CMSS1: variants seen among roughly 807,000 people sequenced by gnomAD.
CMSS1 encodes the protein cms1 ribosomal small subunit homolog, also known as protein CMSS1.
A neutral mutation model predicts 43.5 loss-of-function variants in CMSS1; 33 were observed. The ratio of observed to expected loss-of-function variants is 0.76; its 90% CI spans 0.57 to 1.01. The LOEUF (loss-of-function observed/expected upper bound fraction) is 1.01. Ranked by LOEUF, CMSS1 falls within the 50% of genes least tolerant of loss-of-function variation. The probability of loss-of-function intolerance (pLI) is 0.00; values close to 1 mark genes in which losing one functional copy is unlikely to be tolerated. For synonymous variants in CMSS1, 115 were observed against 117.2 expected (o/e 0.98, Z 0.12); for missense variants, 313 against 326.4 (o/e 0.96, Z 0.32).
chr3:99,862,001 C>T lies in CMSS1; in HGVS notation c.64+43958C>T, dbSNP rs147910103. On this transcript the variant is annotated intron_variant, in intron 1 of 9. Coordinates refer to ENST00000421999, the MANE Select transcript of CMSS1 (RefSeq NM_032359.4). The stretch of plus-strand genomic sequence containing the variant: ...TAAAAAACAATCCATACAAAAAGTC[C>T]TTATCATAGTGCCTGGCACAATACA... Among the ~76,000 whole-genome samples the T allele has an allele frequency of 7.2e-3, 1,096 of 152,148 alleles. 18 individuals are homozygous for T. The highest frequency in any genetic ancestry group is 0.024 in the African/African-American group (1,011 of 41,482).
In CMSS1 at chr3:100,086,039, ATGATTCG is replaced by A. The variant is rs1392082685; in HGVS notation, c.65-60931_65-60925del. On this transcript the variant is annotated intron_variant, in intron 1 of 9. Transcript: ENST00000421999. Reference sequence around the variant, plus strand: ...AAGTACATCTGCATTTGAATAAAATATGATTCGTGTTAGAGAGCTAAACTTGATGTTT... The same window carrying A: ...AAGTACATCTGCATTTGAATAAAATATGTTAGAGAGCTAAACTTGATGTTT... Among the ~76,000 whole-genome samples the A allele has an allele frequency of 4.6e-5, 7 of 152,360 alleles. No individual in the cohort carries two copies. The East Asian group carries it at 1.3e-3, about 29-fold the overall frequency.
At chr3:100,134,575 C>T (rs1180939526) in intron 1 of CMSS1, among the ~76,000 whole-genome samples, 1 of 151,974 alleles carries the variant, frequency 6.6e-6, no homozygotes, top group Non-Finnish European at 1.5e-5. Context: ...TATTAATAAA[C>T]CAGATGGGAT....
chr3:100,168,872 TATATATATACACACACACAC>T (rs1257559646), intron 6 of CMSS1, among the ~76,000 whole-genome samples: 2 of 150,308 alleles, frequency 1.3e-5, no homozygotes, highest in African/African-American at 4.9e-5. Context: ...ATTATATATA[TATATATATACACACACACAC>T]ATATATATAT....
chr3:99,866,838 C>T (rs1260603269), intron 1 of CMSS1, among the ~76,000 whole-genome samples: 1 of 152,160 alleles, frequency 6.6e-6, no homozygotes, highest in Admixed American at 6.5e-5. Flanking sequence ...AAGTTTTATT[C>T]TGTAATCTGC....
At chr3:100,118,372 T>C (rs945407880) in intron 1 of CMSS1, among the ~76,000 whole-genome samples, 15 of 152,176 alleles carry the variant, frequency 9.9e-5, no homozygotes, top group African/African-American at 2.9e-4. Flanking sequence ...TACAGAAAAT[T>C]AGTTATTTAA....
At chr3:99,933,180 C>T (rs34174004) in intron 1 of CMSS1, among the ~76,000 whole-genome samples, 10,129 of 152,264 alleles carry the variant, frequency 0.067, 401 homozygotes, top group Middle Eastern at 0.085. Flanking sequence ...GCCGTAATGT[C>T]ATTATGCTGT....
intron 3 of CMSS1, 63 bp downstream of exon 3, chr3:100,160,564 T>A (rs2067015083): frequency 1.3e-6 from 1 of 798,934 alleles, no homozygotes; most frequent in African/African-American, 1.8e-5. Context: ...TTTTTATATA[T>A]CATACTTTCT....
At chr3:99,979,625 TG>T (rs1362666812) in intron 1 of CMSS1, among the ~76,000 whole-genome samples, 1 of 152,220 alleles carries the variant, frequency 6.6e-6, no homozygotes, top group Non-Finnish European at 1.5e-5. Flanking sequence ...AAATGAGACC[TG>T]TTATTACATG....
At position 100,156,299 on chromosome 3, in the gene CMSS1, C is replaced by CTTTTTTTT. The variant is rs34413816; in HGVS notation, c.154-4111_154-4104dup. Among the ~76,000 whole-genome samples the CTTTTTTTT allele has an allele frequency of 4.1e-4, 30 of 73,054 alleles. 1 individual carries two copies. The highest frequency in any genetic ancestry group is 5.4e-4 in the Non-Finnish European group (21 of 38,766). 47.9% of individuals were successfully genotyped at this position (73,054 alleles called of 152,430 possible). A position where few individuals can be genotyped will look rare whatever the true frequency, so the allele number is the denominator to read the frequency against. ...GCCACCACACTAGCTAATTTTTTTT[C>CTTTTTTTT]TTTTTTTTTTTTTTTTTTTTTTTTT... On this transcript the variant is annotated intron_variant, in intron 2 of 9. Coordinates refer to ENST00000421999, the MANE Select transcript of CMSS1 (RefSeq NM_032359.4).
In CMSS1 at chr3:100,156,543, G is replaced by A. The variant is rs146444554; in HGVS notation, c.154-3887G>A. Among the ~76,000 whole-genome samples the A allele has an allele frequency of 5.0e-4, 76 of 152,006 alleles. 1 individual carries two copies. Among genetic ancestry groups the A allele is most frequent in the African/African-American group, 1.6e-3 (65 of 41,474 alleles). ...AGGCTGGTCTTGAACTCCTGACCTC[G>A]TAATCCGCCCTCCTCGGCCTCCCAA... On this transcript the variant is annotated intron_variant, in intron 2 of 9. Coordinates refer to ENST00000421999, the MANE Select transcript of CMSS1 (RefSeq NM_032359.4).
intron 1 of CMSS1, among the ~76,000 whole-genome samples, chr3:99,991,501 T>G (rs879780001): frequency 2.0e-5 from 3 of 152,180 alleles, no homozygotes; most frequent in African/African-American, 2.4e-5. Context: ...ATTTCTTACA[T>G]GCATATATTG....
At chr3:99,861,592 G>T (rs1323631424) in intron 1 of CMSS1, among the ~76,000 whole-genome samples, 1 of 152,086 alleles carries the variant, frequency 6.6e-6, no homozygotes, top group Non-Finnish European at 1.5e-5. Context: ...TCTGTATCTT[G>T]TCTGTTTGCC....
chr3:100,142,519 G>C (rs2066813630), intron 1 of CMSS1, among the ~76,000 whole-genome samples: 1 of 152,136 alleles, frequency 6.6e-6, no homozygotes, highest in Non-Finnish European at 1.5e-5. Flanking sequence ...GATTTTGGTA[G>C]GTGAAACAGG....
At chr3:100,109,903 A>ACC (rs35074224) in intron 1 of CMSS1, 23 of 72,358 alleles carry the variant, frequency 3.2e-4, no homozygotes, top group Admixed American at 4.8e-4. Flanking sequence ...TTCTTTTATG[A>ACC]CCCCCCCCCC....
chr3:100,017,735 G>A (rs1392098628), intron 1 of CMSS1, among the ~76,000 whole-genome samples: 1 of 151,638 alleles, frequency 6.6e-6, no homozygotes, highest in Non-Finnish European at 1.5e-5. Flanking sequence ...AACCAGCCGA[G>A]GCAACAAAGT....
At chr3:99,953,263 T>C (rs1343771900) in intron 1 of CMSS1, among the ~76,000 whole-genome samples, 1 of 152,194 alleles carries the variant, frequency 6.6e-6, no homozygotes, top group Non-Finnish European at 1.5e-5. Context: ...ATCGTTTCTT[T>C]GTTCCTCTGA....
Position 99,817,949 on chromosome 3 carries a change from A to T in CMSS1, c.-31A>T. ...CTCCGCAGCTGGTCGCCTACCCGTG[A>T]TGTTCTGCCCACGTCGAGACCTGAG... On this transcript the variant is annotated 5_prime_UTR_variant, in exon 1 of 10. The change abolishes an upstream ATG in the 5' untranslated region. Coordinates refer to ENST00000421999, the MANE Select transcript of CMSS1 (RefSeq NM_032359.4). 1.2e-6 allele frequency: 2 copies of T among 1,612,380 alleles called. No individual in the cohort carries two copies. Among genetic ancestry groups the T allele is most frequent in the Non-Finnish European group, 1.7e-6 (2 of 1,178,638 alleles).
chr3:100,027,104 C>T (rs1427594523), intron 1 of CMSS1, among the ~76,000 whole-genome samples: 3 of 152,110 alleles, frequency 2.0e-5, no homozygotes, highest in Non-Finnish European at 4.4e-5. Flanking sequence ...GTGAAACCTG[C>T]CTTGGACACG....
At chr3:99,850,874 T>A in intron 1 of CMSS1, 1 of 1,614,214 alleles carries the variant, frequency 6.2e-7, no homozygotes, top group Non-Finnish European at 8.5e-7. Flanking sequence ...TGTGTTTCCT[T>A]TGCATTTGTG....
Sources: allele counts gnomAD v4.1 joint callset (sites outside exome capture counted in the v4.1 genomes callset), GRCh38; gene constraint gnomAD v4.1.1; transcripts MANE v1.5; gene names NCBI Gene and HGNC (gene_info 2026-07-23, HGNC 2026-07-21).